The following SVOPL variants were observed in gnomAD, a reference collection of about 807,000 sequenced individuals.
SVOPL encodes SVOP like, also known as putative transporter SVOPL.
SVOPL carries 60 observed loss-of-function variants against 61.0 expected under a neutral mutation model. The ratio of observed to expected loss-of-function variants is 0.98; its 90% CI spans 0.80 to 1.22. The LOEUF is 1.22. Ranked by LOEUF, SVOPL falls within the 50% of genes most tolerant of loss-of-function variation. The pLI is 0.00. For synonymous variants in SVOPL, 279 were observed against 250.0 expected, an observed-to-expected ratio of 1.12 and a Z score of -1.09; for missense variants, 662 against 643.9, an observed-to-expected ratio of 1.03 and a Z score of -0.30.
At chr7:138,678,108 C>T (rs1802613563) in intron 3 of SVOPL, among the ~76,000 whole-genome samples, 1 of 152,108 alleles carries the variant, frequency 6.6e-6, no homozygotes, top group South Asian at 2.1e-4. Flanking sequence ...TCTATCAATC[C>T]CAGGTCTGTA....
rs1441919430 is a variant in SVOPL, at chr7:138,615,744, G to GAC, written c.1353+5300_1353+5301dup. On this transcript the variant is annotated intron_variant, in intron 14 of 15. Transcript: ENST00000674285. ...TGGGAGGCGGAGGTTGCAGTGAGCC[G>GAC]ACATCACACCACTGCACTCCAGCCT... Among the ~76,000 whole-genome samples the GAC allele has an allele frequency of 4.7e-4, 16 of 34,050 alleles. 2 individuals carry two copies. The highest frequency in any genetic ancestry group is 8.3e-4 in the African/African-American group (16 of 19,248). 22.3% of individuals were successfully genotyped at this position (34,050 alleles called of 152,430 possible).
intron 3 of SVOPL, 32 bp from the exon 4 acceptor site, chr7:138,672,149 A>C (rs1802437271): frequency 6.5e-7 from 1 of 1,543,000 alleles, no homozygotes; most frequent in Non-Finnish European, 8.8e-7. Context: ...GCCATGTCTA[A>C]GTGCCAGCTT....
In SVOPL at chr7:138,615,670, C is replaced by A. The variant is rs1399802354; in HGVS notation, c.1353+5376G>T. 2.3e-5 allele frequency among the ~76,000 whole-genome samples: 2 copies of A among 88,038 alleles called. 1 individual carries two copies. Among genetic ancestry groups the A allele is most frequent in the Non-Finnish European group, 5.2e-5 (2 of 38,812 alleles). 57.8% of individuals were successfully genotyped at this position (88,038 alleles called of 152,430 possible). ...ATTAGCTAGGCATGGTGGCAGGTGC[C>A]TGTAGTCTCAGCTACTTGGAAGGCT... On this transcript the variant is annotated intron_variant, in intron 14 of 15. Coordinates refer to ENST00000674285, the MANE Select transcript of SVOPL (RefSeq NM_001139456.2).
At chr7:138,622,577 G>C (rs1240679580) in intron 13 of SVOPL, among the ~76,000 whole-genome samples, 1 of 152,196 alleles carries the variant, frequency 6.6e-6, no homozygotes, top group Admixed American at 6.5e-5. Flanking sequence ...AAAGTGTGGG[G>C]ATTACAGGCG....
At chr7:138,660,406 G>A in intron 5 of SVOPL, 1 of 985,044 alleles carries the variant, frequency 1.0e-6, no homozygotes, top group Non-Finnish European at 1.2e-6. Flanking sequence ...CAATACAGAA[G>A]AAAAAAGAAA....
intron 14 of SVOPL, among the ~76,000 whole-genome samples, chr7:138,609,544 A>G (rs1230390669): frequency 1.3e-5 from 2 of 151,464 alleles, no homozygotes. Flanking sequence ...CTGCAGTCCC[A>G]GCTACTCAGG....
At chr7:138,657,664 C>T (rs1801813206) in intron 6 of SVOPL, among the ~76,000 whole-genome samples, 1 of 152,264 alleles carries the variant, frequency 6.6e-6, no homozygotes, top group South Asian at 2.1e-4. Flanking sequence ...ATTTATTGAG[C>T]TGTTTCCTGG....
intron 1 of SVOPL, among the ~76,000 whole-genome samples, chr7:138,700,335 C>CTTTTTTTTTTTTTT (rs776461183): frequency 1.0e-5 from 1 of 99,768 alleles, no homozygotes; most frequent in African/African-American, 3.9e-5. Context: ...TTCCGTATGT[C>CTTTTTTTTTTTTTT]TTTTTTTTTT....
intron 14 of SVOPL, among the ~76,000 whole-genome samples, chr7:138,618,481 G>C (rs183766654): frequency 6.6e-6 from 1 of 152,044 alleles, no homozygotes; most frequent in Non-Finnish European, 1.5e-5. Flanking sequence ...CCAACATCGC[G>C]AAACCCCGTC....
chr7:138,634,464 C>A (rs1800368184), intron 9 of SVOPL, among the ~76,000 whole-genome samples: 1 of 150,090 alleles, frequency 6.7e-6, no homozygotes, highest in African/African-American at 2.5e-5. Context: ...GCCAGTGAGA[C>A]CCCGTCGCTA....
intron 1 of SVOPL, among the ~76,000 whole-genome samples, chr7:138,690,488 T>A (rs1802916256): frequency 6.6e-6 from 1 of 152,240 alleles, no homozygotes. Context: ...GTTCTGATAC[T>A]TGCTGCATGA....
At position 138,649,003 on chromosome 7, in the gene SVOPL, C is replaced by G; in HGVS notation, c.660+9G>C. The G allele has an allele frequency of 6.2e-7, 1 of 1,613,710 alleles. No homozygotes were observed. Among genetic ancestry groups the G allele is most frequent in the Non-Finnish European group, 8.5e-7 (1 of 1,179,826 alleles). On this transcript the variant is annotated intron_variant, in intron 8 of 15. Transcript: ENST00000674285. The stretch of plus-strand genomic sequence containing the variant: ...AGGGGACAGGAAGGAGCCACAAGTG[C>G]TTCCCCACCTTGAAGGCCACGATGA...
rs905362760 is a variant in SVOPL, at chr7:138,619,590, T to C, written c.1353+1456A>G. On this transcript the variant is annotated intron_variant, in intron 14 of 15. Coordinates refer to ENST00000674285, the MANE Select transcript of SVOPL (RefSeq NM_001139456.2). ...AAAAAAAAAAAAAAAAAAAAAAAAG[T>C]GAAAAAGACAGGTGGGGAAAACATT... Among the ~76,000 whole-genome samples, 495 of 69,818 alleles carry C rather than the reference T, an allele frequency of 7.1e-3. 3 individuals are homozygous for C. The highest frequency in any genetic ancestry group is 0.024 in the African/African-American group (450 of 19,008). The allele number at this position is 69,818 out of a possible 152,430, so 45.8% of individuals were successfully genotyped here. A position where few individuals can be genotyped will look rare whatever the true frequency, so the allele number is the denominator to read the frequency against.
chr7:138,661,765 ACTG>A (rs978366782), intron 5 of SVOPL: 8 of 886,494 alleles, frequency 9.0e-6, no homozygotes, highest in Admixed American at 6.2e-5. Flanking sequence ...CCCACTTGTA[ACTG>A]CTGCTAATCG....
chr7:138,643,044 A>C (rs977708231), intron 9 of SVOPL, among the ~76,000 whole-genome samples: 3 of 152,092 alleles, frequency 2.0e-5, no homozygotes, highest in African/African-American at 7.2e-5. Flanking sequence ...GCTGTAGAAC[A>C]CAGTATGGTG....
At chr7:138,612,872 A>G (rs1022863196) in intron 14 of SVOPL, among the ~76,000 whole-genome samples, 12 of 151,986 alleles carry the variant, frequency 7.9e-5, no homozygotes, top group Non-Finnish European at 1.3e-4. Context: ...TCTTTATACT[A>G]TAATAGAAAG....
At chr7:138,641,984 T>C (rs985382465) in intron 9 of SVOPL, among the ~76,000 whole-genome samples, 1 of 150,828 alleles carries the variant, frequency 6.6e-6, no homozygotes, top group African/African-American at 2.4e-5. Context: ...ACAGATTCTT[T>C]TTAAACACTC....
At chr7:138,662,930 A>C in intron 5 of SVOPL, 144 bp downstream of exon 5, 2 of 1,479,744 alleles carry the variant, frequency 1.4e-6, no homozygotes, top group Non-Finnish European at 1.8e-6. Flanking sequence ...TAAGCCTGGA[A>C]TGTTCCATCA....
At chr7:138,628,751 T>A (rs1392126972) in intron 10 of SVOPL, among the ~76,000 whole-genome samples, 1 of 152,204 alleles carries the variant, frequency 6.6e-6, no homozygotes, top group East Asian at 1.9e-4. Flanking sequence ...ACTGGCGGAT[T>A]TGTAATGGTA....
Sources: allele counts gnomAD v4.1 joint callset (sites outside exome capture counted in the v4.1 genomes callset), GRCh38; gene constraint gnomAD v4.1.1; transcripts MANE v1.5; gene names NCBI Gene and HGNC (gene_info 2026-07-23, HGNC 2026-07-21).